OSBPL10: variants seen among roughly 807,000 people sequenced by gnomAD.
The protein encoded by OSBPL10 is oxysterol-binding protein-related protein 10.
In OSBPL10, 49 loss-of-function variants were observed where a neutral mutation model predicts 81.7. That is an observed-to-expected ratio of 0.60 (90% CI 0.48 to 0.76). The LOEUF (loss-of-function observed/expected upper bound fraction) is 0.76, where lower values mean the gene tolerates loss of function less well. Among genes scored for constraint, OSBPL10 ranks in the 30% least tolerant of loss-of-function variants. The pLI is 0.00. For missense variants in OSBPL10, 923 were observed against 987.8 expected, an observed-to-expected ratio of 0.93 and a Z score of 0.88; for synonymous variants, 419 against 383.6, an observed-to-expected ratio of 1.09 and a Z score of -1.08.
intron 8 of OSBPL10, among the ~76,000 whole-genome samples, chr3:31,682,048 C>T (rs1259205914): frequency 6.6e-6 from 1 of 152,190 alleles, no homozygotes; most frequent in African/African-American, 2.4e-5. Context: ...CACTCCACAT[C>T]CCATCCAGAG....
chr3:31,664,365 C>T (rs1401923902), intron 10 of OSBPL10, 133 bp from the exon 11 acceptor site: 3 of 789,694 alleles, frequency 3.8e-6, no homozygotes, highest in Admixed American at 5.3e-5. Context: ...ATCCCAGATA[C>T]CTCAAAGACC....
At chr3:32,032,579 G>T (rs930016905) in intron 2 of OSBPL10, among the ~76,000 whole-genome samples, 3 of 152,130 alleles carry the variant, frequency 2.0e-5, no homozygotes, top group Non-Finnish European at 2.9e-5. Context: ...AGGAAAAGAA[G>T]AAGAATTAAG....
At chr3:31,927,112 A>G (rs1001120837) in intron 1 of OSBPL10, among the ~76,000 whole-genome samples, 10 of 152,064 alleles carry the variant, frequency 6.6e-5, no homozygotes, top group Non-Finnish European at 1.2e-4. Context: ...CTCCATCTCA[A>G]CAACAACAAC....
intron 1 of OSBPL10, among the ~76,000 whole-genome samples, chr3:31,914,847 G>A (rs1575613181): frequency 6.6e-6 from 1 of 152,220 alleles, no homozygotes; most frequent in East Asian, 1.9e-4. Flanking sequence ...CTACCATATT[G>A]GACAACATAC....
At chr3:31,730,741 A>G (rs1357096644) in intron 6 of OSBPL10, among the ~76,000 whole-genome samples, 1 of 152,228 alleles carries the variant, frequency 6.6e-6, no homozygotes, top group Non-Finnish European at 1.5e-5. Flanking sequence ...AAAATGCGTT[A>G]CTGTTTCAGA....
chr3:31,916,713 G>A lies in OSBPL10; in HGVS notation c.282-36883C>T, dbSNP rs568191876. Among the ~76,000 whole-genome samples, 9 of 152,246 alleles carry A rather than the reference G, an allele frequency of 5.9e-5. 1 individual carries two copies. Among genetic ancestry groups the A allele is most frequent in the African/African-American group, 2.2e-4 (9 of 41,540 alleles). On this transcript the variant is annotated intron_variant, in intron 1 of 11. Coordinates refer to ENST00000396556, the MANE Select transcript of OSBPL10 (RefSeq NM_017784.5). Reference sequence around the variant, plus strand: ...ATCACCTTTCCCTGATAACATAAAAGCTCTCTAAATCCCTGATTAATTACT... The same window carrying A: ...ATCACCTTTCCCTGATAACATAAAAACTCTCTAAATCCCTGATTAATTACT...
chr3:31,709,431 C>T (rs1021322783), intron 6 of OSBPL10: 33 of 152,226 alleles, frequency 2.2e-4, no homozygotes, highest in African/African-American at 7.7e-4. Context: ...TGTCATCAGC[C>T]AAGATAATTG....
intron 7 of OSBPL10, among the ~76,000 whole-genome samples, chr3:31,690,389 A>C (rs1695498445): frequency 6.6e-6 from 1 of 152,064 alleles, no homozygotes; most frequent in Admixed American, 6.5e-5. Context: ...GGTCAATTAA[A>C]CCTCTTTTCT....
At chr3:31,952,422 C>CA (rs1559530091) in intron 1 of OSBPL10, among the ~76,000 whole-genome samples, 52 of 152,188 alleles carry the variant, frequency 3.4e-4, no homozygotes, top group African/African-American at 1.3e-3. Context: ...TACATCCAGG[C>CA]GTATCCCTCG....
chr3:32,037,828 C>T (rs1699534706), intron 2 of OSBPL10, among the ~76,000 whole-genome samples: 1 of 152,068 alleles, frequency 6.6e-6, no homozygotes, highest in Non-Finnish European at 1.5e-5. Flanking sequence ...CAGTGACAAT[C>T]CCAGGCCTTG....
At chr3:31,991,393 G>T in intron 2 of OSBPL10, 1 of 171,286 alleles carries the variant, frequency 5.8e-6, no homozygotes, top group Admixed American at 6.3e-5. Context: ...ATCAATATGG[G>T]TCATATCTCT....
chr3:31,864,951 T>G (rs1189387612), intron 3 of OSBPL10, among the ~76,000 whole-genome samples: 2 of 151,816 alleles, frequency 1.3e-5, no homozygotes, highest in Non-Finnish European at 2.9e-5. Context: ...GCTCCTGCCT[T>G]CAGATCAGTA....
chr3:31,900,201 TTTTG>T (rs1431302160), intron 1 of OSBPL10, among the ~76,000 whole-genome samples: 2 of 142,618 alleles, frequency 1.4e-5, no homozygotes, highest in South Asian at 2.4e-4. Flanking sequence ...TTTTTGTGGG[TTTTG>T]TTTTTTTGTT....
chr3:31,921,914 C>T (rs1319072393), intron 1 of OSBPL10, among the ~76,000 whole-genome samples: 2 of 152,196 alleles, frequency 1.3e-5, no homozygotes, highest in African/African-American at 4.8e-5. Context: ...ATGCCACTTT[C>T]CCTCTGTGAT....
intron 1 of OSBPL10, among the ~76,000 whole-genome samples, chr3:31,893,388 A>T (rs1258203523): frequency 6.6e-6 from 1 of 152,224 alleles, no homozygotes; most frequent in Non-Finnish European, 1.5e-5. Context: ...ACCCACTAGA[A>T]CAGCTATAAT....
intron 4 of OSBPL10, among the ~76,000 whole-genome samples, chr3:31,821,383 A>G (rs552388881): frequency 4.6e-5 from 7 of 152,160 alleles, no homozygotes; most frequent in African/African-American, 1.2e-4. Flanking sequence ...AGGGGTGCTC[A>G]TAAGTTCTCA....
At chr3:32,070,950 C>G (rs1468375807) in intron 1 of OSBPL10, among the ~76,000 whole-genome samples, 1 of 152,238 alleles carries the variant, frequency 6.6e-6, no homozygotes, top group African/African-American at 2.4e-5. Flanking sequence ...CTGCAAGCCT[C>G]CAGGGACAGC....
chr3:31,719,561 C>T (rs373760081), intron 6 of OSBPL10, among the ~76,000 whole-genome samples: 1 of 152,126 alleles, frequency 6.6e-6, no homozygotes, highest in African/African-American at 2.4e-5. Flanking sequence ...AAGAGCTTGA[C>T]ATTCATTTCT....
chr3:31,758,549 T>C (rs1297694482), intron 4 of OSBPL10, among the ~76,000 whole-genome samples: 1 of 152,182 alleles, frequency 6.6e-6, no homozygotes, highest in African/African-American at 2.4e-5. Context: ...CCCCATCCTT[T>C]TGTAGTTTCA....
Sources: gnomAD v4.1 joint callset for allele counts (sites outside exome capture counted in the v4.1 genomes callset) on GRCh38, gnomAD v4.1.1 for gene constraint, MANE v1.5 for transcripts, NCBI Gene and HGNC (gene_info 2026-07-23, HGNC 2026-07-21) for gene names.